DAOA: variants seen among roughly 807,000 people sequenced by gnomAD.
DAOA encodes the protein D-amino acid oxidase activator, also known as D-amino acid oxidase regulator.
A neutral mutation model predicts 16.4 loss-of-function variants in DAOA; 15 were observed. That is an observed-to-expected ratio of 0.91 (90% CI 0.61 to 1.41). DAOA has a LOEUF of 1.41. DAOA is among the 40% of genes most tolerant of loss of function. DAOA has a pLI of 0.00. For missense variants in DAOA, 230 were observed against 176.8 expected (o/e 1.30, Z -1.71); for synonymous variants, 75 against 59.1 (o/e 1.27, Z -1.23).
chr13:105,472,142 C>T (rs530832950), intron 3 of DAOA, among the ~76,000 whole-genome samples: 11 of 152,294 alleles, frequency 7.2e-5, no homozygotes, highest in Admixed American at 1.3e-4. Flanking sequence ...ACTATTTCAT[C>T]GTGAGGTTTG....
chr13:105,482,149 A>ACT (rs140528069), intron 4 of DAOA, among the ~76,000 whole-genome samples: 5,643 of 152,226 alleles, frequency 0.037, 138 homozygotes, highest in South Asian at 0.063. Flanking sequence ...GTTACCTCCC[A>ACT]GGGTCCCTCC....
At chr13:105,478,927 C>T (rs546283274) in intron 4 of DAOA, among the ~76,000 whole-genome samples, 22 of 152,170 alleles carry the variant, frequency 1.4e-4, no homozygotes, top group Non-Finnish European at 2.8e-4. Flanking sequence ...CTCTTGTCTA[C>T]TCATTTGTGT....
rs367945496 is a variant in DAOA at position 105,488,679 on chromosome 13, T to C, written c.282-1222T>C. ...TGATTCAAGAAGCACAATAAAACCCTGCTTACTCCACTGGAAAAGTGAAAA... is the reference window on the plus strand; with the variant it reads ...TGATTCAAGAAGCACAATAAAACCCCGCTTACTCCACTGGAAAAGTGAAAA... On this transcript the variant is annotated intron_variant, in intron 4 of 5. Coordinates refer to ENST00000375936, the MANE Select transcript of DAOA (RefSeq NM_172370.5). Among the ~76,000 whole-genome samples, 10 of 152,206 alleles carry C rather than the reference T, an allele frequency of 6.6e-5. No homozygotes were observed. In the East Asian group the frequency reaches 1.2e-3, roughly 18 times the overall value.
At chr13:105,467,270 G>A in intron 3 of DAOA, 129 bp downstream of exon 3, 1 of 1,059,230 alleles carries the variant, frequency 9.4e-7, no homozygotes, top group Non-Finnish European at 1.3e-6. Context: ...GTAAGATACA[G>A]GAAGAAAATT....
intron 2 of DAOA, 50 bp from the exon 3 acceptor site, chr13:105,467,003 G>A (rs753667529): frequency 2.5e-6 from 4 of 1,576,948 alleles, no homozygotes; most frequent in Admixed American, 3.7e-5. Flanking sequence ...TCTCTCTTCT[G>A]CAGGGTATAA....
intron 4 of DAOA, 124 bp downstream of exon 4, chr13:105,472,809 T>A: frequency 1.3e-6 from 1 of 771,676 alleles, no homozygotes; most frequent in Non-Finnish European, 1.9e-6. Context: ...AACTTTTATC[T>A]AGCTCAGAGA....
At chr13:105,486,782 A>G (rs1486635421) in intron 4 of DAOA, among the ~76,000 whole-genome samples, 2 of 151,790 alleles carry the variant, frequency 1.3e-5, no homozygotes, top group Non-Finnish European at 2.9e-5. Context: ...CCAAGCCTGG[A>G]TAATTTTTGT....
rs1426758621 is a variant in DAOA, at chr13:105,479,097, T to A, written c.281+6412T>A. 2.0e-5 allele frequency among the ~76,000 whole-genome samples: 3 copies of A among 152,216 alleles called. No individual in the cohort carries two copies. The East Asian group carries it at 5.8e-4, about 29-fold the overall frequency. ...AGGACCATTTATCTTTATCTCTTTA[T>A]CTTCGCTATAAATTTCTCCTCACCT... On this transcript the variant is annotated intron_variant, in intron 4 of 5. Transcript: ENST00000375936.
chr13:105,471,962 C>G (rs1357874640), intron 3 of DAOA, among the ~76,000 whole-genome samples: 1 of 152,180 alleles, frequency 6.6e-6, no homozygotes, highest in African/African-American at 2.4e-5. Flanking sequence ...ACTCCATTCT[C>G]TTTCCACGCC....
At chr13:105,472,127 A>C (rs887428279) in intron 3 of DAOA, among the ~76,000 whole-genome samples, 3 of 152,234 alleles carry the variant, frequency 2.0e-5, no homozygotes, top group African/African-American at 7.2e-5. Context: ...GGAAGGGACG[A>C]GAGGACTATT....
intron 3 of DAOA, among the ~76,000 whole-genome samples, chr13:105,472,234 C>G (rs1276707885): frequency 6.6e-6 from 1 of 152,178 alleles, no homozygotes; most frequent in Non-Finnish European, 1.5e-5. Flanking sequence ...TTAGGCACCA[C>G]AGTTAATTTT....
At chr13:105,470,239 C>G (rs1352679914) in intron 3 of DAOA, among the ~76,000 whole-genome samples, 1 of 151,816 alleles carries the variant, frequency 6.6e-6, no homozygotes, top group African/African-American at 2.4e-5. Flanking sequence ...TAATATATAG[C>G]AGCTATCTTT....
chr13:105,469,246 ACTGT>A (rs1239005634), intron 3 of DAOA, among the ~76,000 whole-genome samples: 1 of 152,186 alleles, frequency 6.6e-6, no homozygotes, highest in Non-Finnish European at 1.5e-5. Flanking sequence ...CACCATCCAC[ACTGT>A]CTTAACCACC....
At chr13:105,469,483 G>T (rs1478961694) in intron 3 of DAOA, among the ~76,000 whole-genome samples, 1 of 152,166 alleles carries the variant, frequency 6.6e-6, no homozygotes, top group Non-Finnish European at 1.5e-5. Flanking sequence ...TACCAGTGGT[G>T]AAAATTTTAA....
intron 4 of DAOA, among the ~76,000 whole-genome samples, chr13:105,485,488 T>A (rs1878042086): frequency 6.6e-6 from 1 of 152,204 alleles, no homozygotes; most frequent in East Asian, 1.9e-4. Context: ...AACCTTTACA[T>A]GGTTTCTTTC....
At chr13:105,478,093 T>G (rs1877466836) in intron 4 of DAOA, among the ~76,000 whole-genome samples, 2 of 152,220 alleles carry the variant, frequency 1.3e-5, no homozygotes, top group African/African-American at 4.8e-5. Flanking sequence ...GACCATCCAG[T>G]TAGGCAATTA....
intron 3 of DAOA, among the ~76,000 whole-genome samples, chr13:105,471,805 T>C (rs1228295900): frequency 6.6e-6 from 1 of 152,230 alleles, no homozygotes; most frequent in Non-Finnish European, 1.5e-5. Context: ...ATTTATATCA[T>C]ATTTTTAAAA....
At position 105,466,571 on chromosome 13, in the gene DAOA, C is replaced by T. The variant is rs528292438; in HGVS notation, c.44+239C>T. On this transcript the variant is annotated intron_variant, in intron 2 of 5. Transcript: ENST00000375936. The stretch of plus-strand genomic sequence containing the variant: ...GAGGAGACATAGGCCCTCACCTATC[C>T]CTGGGAGGAGGATCAAAGAGTTTGA... Among the ~76,000 whole-genome samples, 7 of 152,264 alleles carry T rather than the reference C, an allele frequency of 4.6e-5. No individual in the cohort carries two copies. In the South Asian group the frequency reaches 1.5e-3, roughly 32 times the overall value.
Position 105,486,847 on chromosome 13 carries a change from T to C in DAOA, c.282-3054T>C, listed in dbSNP as rs370696882. ...GTTGGCCCAGCTGGTCTCAAACTCC[T>C]GACCTCCAGTGATCTGCCCACTTCG... is the stretch of plus-strand genomic sequence containing the variant. On this transcript the variant is annotated intron_variant, in intron 4 of 5. Coordinates refer to ENST00000375936, the MANE Select transcript of DAOA (RefSeq NM_172370.5). Among the ~76,000 whole-genome samples the C allele has an allele frequency of 8.5e-5, 13 of 152,278 alleles. No homozygotes were observed. In the East Asian group the frequency reaches 1.7e-3, roughly 20 times the overall value.
Sources: gnomAD v4.1 joint callset for allele counts (sites outside exome capture counted in the v4.1 genomes callset) on GRCh38, gnomAD v4.1.1 for gene constraint, MANE v1.5 for transcripts, NCBI Gene and HGNC (gene_info 2026-07-23, HGNC 2026-07-21) for gene names.